The following OBP2A variants were observed in gnomAD, a reference collection of about 807,000 sequenced individuals.
OBP2A encodes odorant-binding protein 2a.
OBP2A carries 15 observed loss-of-function variants against 21.9 expected under a neutral mutation model. The observed-to-expected ratio is 0.69, with a 90% CI of 0.46 to 1.06. OBP2A has a LOEUF of 1.06. OBP2A is among the 50% of genes least tolerant of loss of function. The pLI, the probability that OBP2A is intolerant of heterozygous loss-of-function variation, is 0.00. For missense variants in OBP2A, 192 were observed against 220.1 expected (o/e 0.87, Z 0.81); for synonymous variants, 86 against 91.8 (o/e 0.94, Z 0.36).
In OBP2A at chr9:135,549,894, C is replaced by A; in HGVS notation, c.*59C>A. On this transcript the variant is annotated 3_prime_UTR_variant, in exon 7 of 7. Transcript: ENST00000371776. The stretch of plus-strand genomic sequence containing the variant: ...CTACCACCAGACACAGAGCCCGGAC[C>A]ACCTGGACCTACCCTCCAGCCATGA... The A allele has an allele frequency of 6.5e-7, 1 of 1,549,060 alleles. No homozygotes were observed. The highest frequency in any genetic ancestry group is 8.7e-7 in the Non-Finnish European group (1 of 1,146,166).
At chr9:135,546,974 G>A in intron 2 of OBP2A, 63 bp downstream of exon 2, 2 of 1,601,854 alleles carry the variant, frequency 1.2e-6, no homozygotes, top group Non-Finnish European at 1.7e-6. Flanking sequence ...GACCCACCTG[G>A]TGCCCATTGC....
chr9:135,546,319 G>A (rs1351519366), intron 1 of OBP2A, 67 bp downstream of exon 1: 5 of 1,434,828 alleles, frequency 3.5e-6, no homozygotes, highest in Non-Finnish European at 4.8e-6. Context: ...CAGTGCCAGG[G>A]GCCCTGCTTT....
At chr9:135,547,528 C>T (rs1208732073) in intron 3 of OBP2A, among the ~76,000 whole-genome samples, 1 of 152,194 alleles carries the variant, frequency 6.6e-6, no homozygotes, top group African/African-American at 2.4e-5. Flanking sequence ...ACCAGGAGGC[C>T]GAGGGTTAGG....
Position 135,549,295 on chromosome 9 carries a change from T to C in OBP2A, c.491-13T>C, listed in dbSNP as rs1485797615. 6.6e-7 allele frequency: 1 copy of C among 1,509,646 alleles called. No homozygotes were observed. The highest frequency in any genetic ancestry group is 1.1e-5 in the South Asian group (1 of 88,304). The allele number at this position is 1,509,646 out of a possible 1,614,324, so 93.5% of individuals were successfully genotyped here. ...GCGCCTTCTAATCCCTGGGTTTTTC[T>C]TGGTCTCTGCAGGAAGCTGCGTTCT... On this transcript the variant is annotated splice_polypyrimidine_tract_variant and intron_variant, in intron 5 of 6. Coordinates refer to ENST00000371776, the MANE Select transcript of OBP2A (RefSeq NM_014582.3).
rs757187744 is a variant in OBP2A, at chr9:135,547,267, C to A, written c.277+19C>A. On this transcript the variant is annotated intron_variant, in intron 3 of 6. Transcript: ENST00000371776. ...AGCGCCTGTGAGCCCCTCCCCGACC[C>A]CCCACTCCCCATGCCCAACCCCGGA... 6.2e-7 allele frequency: 1 copy of A among 1,612,978 alleles called. No homozygotes were observed. Among genetic ancestry groups the A allele is most frequent in the Non-Finnish European group, 8.5e-7 (1 of 1,179,282 alleles).
chr9:135,548,009 C>A, intron 4 of OBP2A, 28 bp downstream of exon 4: 1 of 1,509,410 alleles, frequency 6.6e-7, no homozygotes, highest in South Asian at 1.2e-5. Flanking sequence ...GCCTGCATGT[C>A]CTGCCCCATG....
intron 6 of OBP2A, 74 bp from the exon 7 acceptor site, chr9:135,549,762 TG>T: frequency 2.0e-6 from 2 of 986,546 alleles, no homozygotes; most frequent in South Asian, 1.7e-5. Flanking sequence ...CTGCAGAGCC[TG>T]GGGAGGGAGC....
chr9:135,548,102 G>A lies in OBP2A; in HGVS notation c.388+121G>A, dbSNP rs1423903228. Reference sequence around the variant, plus strand: ...AAGGAAGCCCCCTGCGCCGGCCTTCGTGTGCTAGGCACCAAGCGCTGCCCT... The same window carrying A: ...AAGGAAGCCCCCTGCGCCGGCCTTCATGTGCTAGGCACCAAGCGCTGCCCT... On this transcript the variant is annotated intron_variant, in intron 4 of 6. Transcript: ENST00000371776. 35 of 689,828 alleles carry A rather than the reference G, an allele frequency of 5.1e-5. 1 individual carries two copies. The highest frequency in any genetic ancestry group is 2.2e-4 in the Admixed American group (7 of 32,100). The allele number at this position is 689,828 out of a possible 1,614,324, so 42.7% of individuals were successfully genotyped here.
In OBP2A at chr9:135,546,684, C is replaced by T. The variant is rs1176772262; in HGVS notation, c.73-94C>T. 1.6e-5 allele frequency: 24 copies of T among 1,523,688 alleles called. No individual in the cohort carries two copies. In the Admixed American group the frequency reaches 1.8e-4, roughly 12 times the overall value. 94.4% of individuals were successfully genotyped at this position (1,523,688 alleles called of 1,614,324 possible). On this transcript the variant is annotated intron_variant, in intron 1 of 6. Transcript: ENST00000371776. ...GCCTTTAGGGGTGGCAGCCGGGCAC[C>T]ATGGGTGTCTGGTTATAGCTGCAGG... is the stretch of plus-strand genomic sequence containing the variant.
chr9:135,547,891 T>C lies in OBP2A; in HGVS notation c.298T>C (p.Tyr100His). Residue 100 changes from tyrosine (Y) to histidine (H), a missense_variant, in exon 4 of 7, where the codon TAC becomes CAC. Tyr to His is a moderately conservative substitution (Grantham distance 83). Coordinates refer to ENST00000371776, the MANE Select transcript of OBP2A (RefSeq NM_014582.3). ...FSAYGGRKLI[Y>H]LQELPGTDDY... ...TACAGATGGGGGCAGGAAGCTCATATACCTGCAGGAGCTGCCCGGGACGGA... is the reference window on the plus strand; with the variant it reads ...TACAGATGGGGGCAGGAAGCTCATACACCTGCAGGAGCTGCCCGGGACGGA... 6.2e-7 allele frequency: 1 copy of C among 1,612,112 alleles called. No homozygotes were observed.
In OBP2A at chr9:135,546,899, C is replaced by A; in HGVS notation, c.194C>A (p.Thr65Lys). 6.2e-7 allele frequency: 1 copy of A among 1,613,746 alleles called. No individual in the cohort carries two copies. Among genetic ancestry groups the A allele is most frequent in the Non-Finnish European group, 8.5e-7 (1 of 1,179,760 alleles). ...TALGGGNLEA[T>K]FTFMREDRCI... ...CTGGGCGGTGGGAACTTGGAAGCCA[C>A]GTTCACCTTCATGTGAGTGTTGCCC... The change falls in exon 2 of 7, where the codon ACG becomes AAG. Residue 65 changes from threonine to lysine, a missense_variant. Coordinates refer to ENST00000371776, the MANE Select transcript of OBP2A (RefSeq NM_014582.3).
chr9:135,549,963 TC>T lies in OBP2A; in HGVS notation c.*133del. Reference sequence around the variant, plus strand: ...CACCTGACTCCAAATAAAGAGCTTCTCCCCCAGCTCTGGGCAGGCCTATCTG... The same window carrying T: ...CACCTGACTCCAAATAAAGAGCTTCTCCCCAGCTCTGGGCAGGCCTATCTG... On this transcript the variant is annotated 3_prime_UTR_variant, in exon 7 of 7. Coordinates refer to ENST00000371776, the MANE Select transcript of OBP2A (RefSeq NM_014582.3). 6.9e-7 allele frequency: 1 copy of T among 1,456,708 alleles called. No individual in the cohort carries two copies. The allele number at this position is 1,456,708 out of a possible 1,614,324, so 90.2% of individuals were successfully genotyped here.
intron 2 of OBP2A, 53 bp downstream of exon 2, chr9:135,546,964 G>C (rs2118993955): frequency 1.2e-6 from 2 of 1,604,412 alleles, no homozygotes; most frequent in East Asian, 2.2e-5. Flanking sequence ...CCCCGCCCCA[G>C]ACCCACCTGG....
intron 2 of OBP2A, 109 bp downstream of exon 2, chr9:135,547,020 C>T (rs1831953728): frequency 1.3e-6 from 2 of 1,573,544 alleles, no homozygotes; most frequent in South Asian, 2.3e-5. Context: ...AGAGTCACCC[C>T]CTGCCTTGGA....
Position 135,547,909 on chromosome 9 carries a change from G to C in OBP2A, c.316G>C (p.Gly106Arg), listed in dbSNP as rs145390047. ...GCTCATATACCTGCAGGAGCTGCCC[G>C]GGACGGACGACTACGTCTTTTACTG... ...RKLIYLQELP[G>R]TDDYVFYCKD... is the part of the protein sequence containing the mutation. The change falls in exon 4 of 7, where the codon GGG (glycine) becomes CGG (arginine). Residue 106 changes from glycine (G) to arginine (R), a missense_variant. Gly to Arg is a moderately radical substitution (Grantham distance 125, BLOSUM62 -2). Transcript: ENST00000371776. The C allele has an allele frequency of 4.3e-6, 7 of 1,613,062 alleles. No homozygotes were observed. Among genetic ancestry groups the C allele is most frequent in the Admixed American group, 1.7e-5 (1 of 59,912 alleles).
chr9:135,547,260 C>T lies in OBP2A; in HGVS notation c.277+12C>T, dbSNP rs376053905. Reference sequence around the variant, plus strand: ...CAAATTCAGCGCCTGTGAGCCCCTCCCCGACCCCCCACTCCCCATGCCCAA... The same window carrying T: ...CAAATTCAGCGCCTGTGAGCCCCTCTCCGACCCCCCACTCCCCATGCCCAA... On this transcript the variant is annotated intron_variant, in intron 3 of 6. Transcript: ENST00000371776. 15 of 1,613,486 alleles carry T rather than the reference C, an allele frequency of 9.3e-6. No homozygotes were observed. Among genetic ancestry groups the T allele is most frequent in the Non-Finnish European group, 1.3e-5 (15 of 1,179,848 alleles).
chr9:135,546,706 C>T, intron 1 of OBP2A, 72 bp from the exon 2 acceptor site: 2 of 1,536,452 alleles, frequency 1.3e-6, no homozygotes, highest in Non-Finnish European at 1.8e-6. Context: ...GTTATAGCTG[C>T]AGGCCTGAGT....
At chr9:135,548,078 A>G (rs1832000451) in intron 4 of OBP2A, 97 bp downstream of exon 4, 8 of 872,886 alleles carry the variant, frequency 9.2e-6, no homozygotes, top group Non-Finnish European at 1.2e-5. Flanking sequence ...CGGGGGGAAA[A>G]GGAAGCCCCC....
Position 135,549,288 on chromosome 9 carries a change from G to A in OBP2A, c.491-20G>A. 2 of 1,508,792 alleles carry A rather than the reference G, an allele frequency of 1.3e-6. 1 individual carries two copies. The highest frequency in any genetic ancestry group is 1.8e-6 in the Non-Finnish European group (2 of 1,094,334). 93.5% of individuals were successfully genotyped at this position (1,508,792 alleles called of 1,614,324 possible). ...GTCTAGGGCGCCTTCTAATCCCTGG[G>A]TTTTTCTTGGTCTCTGCAGGAAGCT... On this transcript the variant is annotated intron_variant, in intron 5 of 6. Coordinates refer to ENST00000371776, the MANE Select transcript of OBP2A (RefSeq NM_014582.3).
Sources: gnomAD v4.1 joint callset for allele counts (sites outside exome capture counted in the v4.1 genomes callset) on GRCh38, gnomAD v4.1.1 for gene constraint, MANE v1.5 for transcripts, NCBI Gene and HGNC (gene_info 2026-07-23, HGNC 2026-07-21) for gene names.